COPZ1: variants seen among roughly 807,000 people sequenced by gnomAD.
COPZ1 encodes the protein coat protein complex I subunit zeta 1, also known as coatomer subunit zeta-1.
In COPZ1, 4 loss-of-function variants were observed where a neutral mutation model predicts 31.7. That is an observed-to-expected ratio of 0.13 (90% CI 0.06 to 0.29). The LOEUF is 0.29. Ranked by LOEUF, COPZ1 falls within the 10% of genes least tolerant of loss-of-function variation. COPZ1 has a pLI of 1.00. For synonymous variants in COPZ1, 74 were observed against 79.0 expected, an observed-to-expected ratio of 0.94 and a Z score of 0.33; for missense variants, 156 against 211.5, an observed-to-expected ratio of 0.74 and a Z score of 1.63.
At chr12:54,327,296 GTTTTTTT>G (rs79015590) in intron 1 of COPZ1, among the ~76,000 whole-genome samples, 1 of 118,680 alleles carries the variant, frequency 8.4e-6, no homozygotes, top group African/African-American at 3.1e-5. Context: ...CAGTTAGCAA[GTTTTTTT>G]TTTTTTTTTT....
chr12:54,337,530 T>C (rs1953894760), intron 1 of COPZ1, among the ~76,000 whole-genome samples: 1 of 152,222 alleles, frequency 6.6e-6, no homozygotes, highest in Non-Finnish European at 1.5e-5. Flanking sequence ...TTATCAGTAA[T>C]GACTTCTGGG....
At position 54,349,971 on chromosome 12, in the gene COPZ1, G is replaced by A. The variant is rs1262975036; in HGVS notation, c.486+313G>A. On this transcript the variant is annotated intron_variant, in intron 8 of 8. Transcript: ENST00000262061. ...GGCTTGCCTTAAGCAGATGGTCTGT[G>A]TGCATTTGTGCACACACACTCTCTT... 6.8e-6 allele frequency: 4 copies of A among 592,472 alleles called. No homozygotes were observed. The East Asian group carries it at 1.1e-4, about 17-fold the overall frequency. 36.7% of individuals were successfully genotyped at this position (592,472 alleles called of 1,614,324 possible).
intron 1 of COPZ1, among the ~76,000 whole-genome samples, chr12:54,326,749 G>A (rs1953656358): frequency 6.7e-6 from 1 of 149,470 alleles, no homozygotes; most frequent in African/African-American, 2.5e-5. Context: ...TGAACTCTAG[G>A]CCTCTTTCCA....
intron 1 of COPZ1, among the ~76,000 whole-genome samples, chr12:54,326,640 G>GGTGTGTGTGTGTGTGT (rs71070816): frequency 3.7e-5 from 5 of 134,592 alleles, no homozygotes; most frequent in African/African-American, 1.2e-4. Flanking sequence ...GATTTGGAGG[G>GGTGTGTGTGTGTGTGT]GTGTGTGTGT....
chr12:54,340,712 T>A, intron 2 of COPZ1, 97 bp downstream of exon 2: 2 of 1,263,178 alleles, frequency 1.6e-6, no homozygotes, highest in Non-Finnish European at 2.2e-6. Flanking sequence ...TGTTCCTCAG[T>A]AGTATAATTT....
At chr12:54,333,535 A>T (rs1411937869) in intron 1 of COPZ1, among the ~76,000 whole-genome samples, 2 of 152,164 alleles carry the variant, frequency 1.3e-5, no homozygotes, top group African/African-American at 4.8e-5. Context: ...TTAATGGCTG[A>T]TCCCCATTAT....
chr12:54,340,793 G>A (rs193131460), intron 2 of COPZ1, among the ~76,000 whole-genome samples, 178 bp downstream of exon 2: 1 of 151,698 alleles, frequency 6.6e-6, no homozygotes, highest in Non-Finnish European at 1.5e-5. Flanking sequence ...GTGCAATGGC[G>A]TGACCTTGGC....
chr12:54,327,700 G>T (rs1953679552), intron 1 of COPZ1, among the ~76,000 whole-genome samples: 1 of 151,534 alleles, frequency 6.6e-6, no homozygotes, highest in Non-Finnish European at 1.5e-5. Flanking sequence ...GGAGTTTGAG[G>T]CTGCAGTGAG....
At chr12:54,339,455 C>T (rs962469486) in intron 1 of COPZ1, among the ~76,000 whole-genome samples, 1 of 152,070 alleles carries the variant, frequency 6.6e-6, no homozygotes, top group Non-Finnish European at 1.5e-5. Context: ...TCAAGAGATC[C>T]TATCACCTCA....
intron 2 of COPZ1, 47 bp from the exon 3 acceptor site, chr12:54,342,159 G>A: frequency 7.4e-7 from 1 of 1,360,404 alleles, no homozygotes; most frequent in Non-Finnish European, 1.1e-6. Flanking sequence ...AATCATTCTG[G>A]CTTCCAGCTC....
intron 1 of COPZ1, among the ~76,000 whole-genome samples, chr12:54,335,895 G>A (rs975233066): frequency 6.6e-6 from 1 of 151,772 alleles, no homozygotes; most frequent in Non-Finnish European, 1.5e-5. Flanking sequence ...GCCCAGGTTG[G>A]TCTTGAACTC....
chr12:54,347,641 T>C, intron 5 of COPZ1, 126 bp from the exon 6 acceptor site: 1 of 783,716 alleles, frequency 1.3e-6, no homozygotes, highest in Middle Eastern at 2.3e-4. Flanking sequence ...CTTCACCTTA[T>C]TTACTTCTTT....
intron 1 of COPZ1, among the ~76,000 whole-genome samples, chr12:54,328,269 C>G (rs1332856597): frequency 8.1e-6 from 1 of 123,862 alleles, no homozygotes; most frequent in Non-Finnish European, 1.7e-5. Flanking sequence ...GTGTTAGACT[C>G]CATCTCAAAA....
At chr12:54,330,946 G>A (rs1349239071) in intron 1 of COPZ1, among the ~76,000 whole-genome samples, 1 of 152,098 alleles carries the variant, frequency 6.6e-6, no homozygotes, top group Non-Finnish European at 1.5e-5. Flanking sequence ...TGCTTGTGCT[G>A]GCAAGGGCCC....
chr12:54,345,605 C>A, intron 5 of COPZ1, 90 bp downstream of exon 5: 1 of 1,037,940 alleles, frequency 9.6e-7, no homozygotes, highest in Non-Finnish European at 1.5e-6. Flanking sequence ...AGTAACCATT[C>A]TTCAGGCCCA....
At chr12:54,331,728 G>T (rs558561162) in intron 1 of COPZ1, among the ~76,000 whole-genome samples, 18 of 152,090 alleles carry the variant, frequency 1.2e-4, no homozygotes, top group East Asian at 1.9e-4. Flanking sequence ...AGGGAGATGT[G>T]GGGGGGAGTA....
chr12:54,343,207 C>CT lies in COPZ1; in HGVS notation c.170-11dup. 2 of 1,603,714 alleles carry CT rather than the reference C, an allele frequency of 1.2e-6. No homozygotes were observed. Among genetic ancestry groups the CT allele is most frequent in the Middle Eastern group, 1.7e-4 (1 of 6,042 alleles). ...TATCTCAAGCCACCCACTATTTTTA[C>CT]TTTTTTTCCCCCACCAGGTGAAATT... On this transcript the variant is annotated splice_polypyrimidine_tract_variant and intron_variant, in intron 3 of 8. Coordinates refer to ENST00000262061, the MANE Select transcript of COPZ1 (RefSeq NM_016057.3).
intron 1 of COPZ1, among the ~76,000 whole-genome samples, chr12:54,326,124 A>AATTATTATTATTATTATTATTATTATT (rs377508362): frequency 1.0e-4 from 14 of 139,168 alleles, no homozygotes; most frequent in East Asian, 6.6e-4. Context: ...CCTGGCCAGG[A>AATTATTATTATTATTATTATTATTATT]ATTATTATTA....
At chr12:54,340,075 A>T (rs1323426120) in intron 1 of COPZ1, among the ~76,000 whole-genome samples, 1 of 151,414 alleles carries the variant, frequency 6.6e-6, no homozygotes, top group Non-Finnish European at 1.5e-5. Context: ...GGCTTGCTTT[A>T]TGCTTCTGCA....
Sources: allele counts gnomAD v4.1 joint callset (sites outside exome capture counted in the v4.1 genomes callset), GRCh38; gene constraint gnomAD v4.1.1; transcripts MANE v1.5; gene names NCBI Gene and HGNC (gene_info 2026-07-23, HGNC 2026-07-21).